MAML3: variants seen among roughly 807,000 people sequenced by gnomAD.
MAML3 encodes the protein mastermind like transcriptional coactivator 3, also known as mastermind-like protein 3.
In MAML3, 27 loss-of-function variants were observed where a neutral mutation model predicts 101.9. The observed-to-expected ratio is 0.27, with a 90% CI of 0.20 to 0.37. The LOEUF (loss-of-function observed/expected upper bound fraction) is 0.37. Ranked by LOEUF, MAML3 falls within the 10% of genes least tolerant of loss-of-function variation. The probability of loss-of-function intolerance (pLI) is 1.00; values close to 1 mark genes in which losing one functional copy is unlikely to be tolerated. For missense variants in MAML3, 1,316 were observed against 1,444.9 expected, an observed-to-expected ratio of 0.91 and a Z score of 1.45; for synonymous variants, 501 against 555.9, an observed-to-expected ratio of 0.90 and a Z score of 1.39.
At chr4:140,029,995 A>G (rs1312151340) in intron 1 of MAML3, among the ~76,000 whole-genome samples, 1 of 152,106 alleles carries the variant, frequency 6.6e-6, no homozygotes, top group African/African-American at 2.4e-5. Flanking sequence ...CACTATTTTC[A>G]TTTAGGAGTG....
At chr4:139,996,742 T>G (rs544781740) in intron 1 of MAML3, among the ~76,000 whole-genome samples, 1 of 152,018 alleles carries the variant, frequency 6.6e-6, no homozygotes, top group South Asian at 2.1e-4. Context: ...GCCTTTTGAT[T>G]TGAGTGGTTA....
intron 1 of MAML3, among the ~76,000 whole-genome samples, chr4:140,008,939 A>G (rs1319538005): frequency 6.6e-6 from 1 of 152,214 alleles, no homozygotes; most frequent in East Asian, 1.9e-4. Flanking sequence ...ATTGTTCATA[A>G]ATTATAATTT....
At chr4:139,762,577 A>G (rs188299218) in intron 2 of MAML3, among the ~76,000 whole-genome samples, 1 of 152,220 alleles carries the variant, frequency 6.6e-6, no homozygotes, top group East Asian at 1.9e-4. Context: ...AATATTCAGC[A>G]TCATAAACCA....
intron 2 of MAML3, among the ~76,000 whole-genome samples, chr4:139,734,404 C>A (rs1728845167): frequency 6.6e-6 from 1 of 152,176 alleles, no homozygotes; most frequent in African/African-American, 2.4e-5. Flanking sequence ...ACTCCTTGCC[C>A]AACGACCTCC....
At chr4:140,009,577 TA>T (rs1471904611) in intron 1 of MAML3, among the ~76,000 whole-genome samples, 3 of 152,364 alleles carry the variant, frequency 2.0e-5, no homozygotes, top group African/African-American at 7.2e-5. Context: ...TAACATGCTA[TA>T]ATAATATTTT....
At chr4:139,962,211 A>T (rs1734031105) in intron 1 of MAML3, among the ~76,000 whole-genome samples, 1 of 152,102 alleles carries the variant, frequency 6.6e-6, no homozygotes, top group South Asian at 2.1e-4. Flanking sequence ...CTGTCCAGAG[A>T]GTTAATAAAT....
rs778998076 is a variant in MAML3, at chr4:139,719,571, C to T, written c.3169G>A (p.Gly1057Ser). 2 of 1,613,570 alleles carry T rather than the reference C, an allele frequency of 1.2e-6. No individual in the cohort carries two copies. Among genetic ancestry groups the T allele is most frequent in the South Asian group, 1.1e-5 (1 of 91,002 alleles). Residue 1057 changes from glycine to serine, a missense_variant, in exon 5 of 5, where the codon GGC becomes AGC. Coordinates refer to ENST00000509479, the MANE Select transcript of MAML3 (RefSeq NM_018717.5). Reference protein sequence around the residue: ...VMSGLSQGVPGMPAFSQPPAQ... With the variant: ...VMSGLSQGVPSMPAFSQPPAQ... Reference sequence around the variant, plus strand: ...GGGGGCTGGCTGAACGCTGGCATGCCTGGGACTCCCTGGCTCAGGCCAGAC... The same window carrying T: ...GGGGGCTGGCTGAACGCTGGCATGCTTGGGACTCCCTGGCTCAGGCCAGAC...
chr4:140,119,074 G>A (rs1473171810), intron 1 of MAML3, among the ~76,000 whole-genome samples: 1 of 152,180 alleles, frequency 6.6e-6, no homozygotes, highest in Admixed American at 6.5e-5. Context: ...AAGGGGTATG[G>A]TGGCATTCCC....
intron 2 of MAML3, among the ~76,000 whole-genome samples, chr4:139,738,068 CCCCACAGGCCTGGGTAGAAA>C (rs542103802): frequency 0.015 from 2,253 of 152,352 alleles, 28 homozygotes; most frequent in Middle Eastern, 0.041. Context: ...ATTGGGGGAA[CCCCACAGGCCTGGGTAGAAA>C]CTCAGCTCCA....
At chr4:139,946,917 ACACACACACTCTCTCTCTCT>A (rs1733741124) in intron 1 of MAML3, among the ~76,000 whole-genome samples, 1 of 141,180 alleles carries the variant, frequency 7.1e-6, no homozygotes, top group African/African-American at 2.9e-5. Flanking sequence ...ACACACACAC[ACACACACACTCTCTCTCTCT>A]CTCTCTCTCT....
chr4:140,138,442 T>C lies in MAML3; in HGVS notation c.468+14418A>G, dbSNP rs185686757. Among the ~76,000 whole-genome samples the C allele has an allele frequency of 2.1e-4, 32 of 152,346 alleles. No individual in the cohort carries two copies. In the East Asian group the frequency reaches 6.2e-3, roughly 29 times the overall value. On this transcript the variant is annotated intron_variant, in intron 1 of 4. Transcript: ENST00000509479. ...TCAACCATTTAGCCATAACAACTTC[T>C]AAACGGAGAAAGTTGCTTCTTTATA...
intron 2 of MAML3, among the ~76,000 whole-genome samples, chr4:139,864,590 T>C (rs6825950): frequency 0.83 from 123,820 of 149,910 alleles, 51,677 homozygotes; most frequent in African/African-American, 0.95. Flanking sequence ...GCAGGAGAAT[T>C]GCTTGAACCT....
At chr4:139,798,101 T>C (rs1303673011) in intron 2 of MAML3, among the ~76,000 whole-genome samples, 1 of 148,464 alleles carries the variant, frequency 6.7e-6, no homozygotes, top group African/African-American at 2.5e-5. Flanking sequence ...AGAAAAGGGA[T>C]TAAGAAAGCA....
chr4:139,755,487 A>C (rs554430454), intron 2 of MAML3, among the ~76,000 whole-genome samples: 1 of 152,266 alleles, frequency 6.6e-6, no homozygotes, highest in South Asian at 2.1e-4. Context: ...GGGCGCCTGT[A>C]GTCCCAGTTA....
intron 2 of MAML3, among the ~76,000 whole-genome samples, chr4:139,788,260 G>A (rs1299636453): frequency 1.3e-5 from 2 of 152,140 alleles, no homozygotes; most frequent in African/African-American, 4.8e-5. Context: ...TTTCCAACCT[G>A]TGGTGGCAAC....
Position 139,735,851 on chromosome 4 carries a change from C to A in MAML3, c.2080-5184G>T, listed in dbSNP as rs1728919264. ...CCCACGAGGCGGTCCCGGGCGCGGGCAGGGGCGGTGCGGCGGCGCTCGGGA... is the reference window on the plus strand; with the variant it reads ...CCCACGAGGCGGTCCCGGGCGCGGGAAGGGGCGGTGCGGCGGCGCTCGGGA... On this transcript the variant is annotated intron_variant, in intron 2 of 4. Transcript: ENST00000509479. This position sits in a 1 kb window ranked among gnomAD's most constrained non-coding sequence, Gnocchi z 5.8. Among the ~76,000 whole-genome samples, 1 of 151,874 alleles carries A rather than the reference C, an allele frequency of 6.6e-6. No homozygotes were observed. The highest frequency in any genetic ancestry group is 2.4e-5 in the African/African-American group (1 of 41,354).
intron 1 of MAML3, among the ~76,000 whole-genome samples, chr4:140,134,794 G>A (rs1201586407): frequency 1.3e-5 from 2 of 152,110 alleles, no homozygotes; most frequent in Admixed American, 6.5e-5. Flanking sequence ...GGTGCTCTTC[G>A]ATCAGAGTGT....
At chr4:139,989,683 T>G (rs1578631505) in intron 1 of MAML3, among the ~76,000 whole-genome samples, 1 of 152,062 alleles carries the variant, frequency 6.6e-6, no homozygotes, top group Non-Finnish European at 1.5e-5. Context: ...CCAGGTGTTT[T>G]TGTCAGGCTA....
At chr4:140,145,312 T>C (rs1271382471) in intron 1 of MAML3, among the ~76,000 whole-genome samples, 1 of 151,972 alleles carries the variant, frequency 6.6e-6, no homozygotes, top group East Asian at 1.9e-4. Context: ...ATAAAAGGAG[T>C]TAGGAAAATT....
Sources: allele counts gnomAD v4.1 joint callset (sites outside exome capture counted in the v4.1 genomes callset), GRCh38; gene constraint gnomAD v4.1.1; non-coding constraint Gnocchi (gnomAD v3.1); transcripts MANE v1.5; gene names NCBI Gene and HGNC (gene_info 2026-07-23, HGNC 2026-07-21).